The following ELAVL4 variants were observed in gnomAD, a reference collection of about 807,000 sequenced individuals.
ELAVL4 encodes the protein ELAV like RNA binding protein 4.
A neutral mutation model predicts 35.6 loss-of-function variants in ELAVL4; 1 was observed. The observed-to-expected ratio is 0.03, with a 90% CI of 0.01 to 0.13. ELAVL4 has a LOEUF of 0.13. ELAVL4 is among the 10% of genes least tolerant of loss of function. The probability of loss-of-function intolerance (pLI) is 1.00; values close to 1 mark genes in which losing one functional copy is unlikely to be tolerated. For synonymous variants in ELAVL4, 156 were observed against 171.0 expected (o/e 0.91, Z 0.69); for missense variants, 267 against 464.9 (o/e 0.57, Z 3.91).
chr1:50,068,937 G>A (rs1664389357), intron 1 of ELAVL4, among the ~76,000 whole-genome samples: 1 of 152,142 alleles, frequency 6.6e-6, no homozygotes. Flanking sequence ...TTTAAACAGG[G>A]TATGGTAACT....
intron 2 of ELAVL4, among the ~76,000 whole-genome samples, chr1:50,150,293 G>T (rs74510960): frequency 6.6e-6 from 1 of 152,008 alleles, no homozygotes; most frequent in African/African-American, 2.4e-5. Flanking sequence ...TTTATAATAC[G>T]TCTCTTTGGT....
At chr1:50,068,668 C>T (rs544323804) in intron 1 of ELAVL4, among the ~76,000 whole-genome samples, 1 of 152,254 alleles carries the variant, frequency 6.6e-6, no homozygotes, top group African/African-American at 2.4e-5. Flanking sequence ...TGTGGATATT[C>T]TAGGATATAG....
intron 1 of ELAVL4, among the ~76,000 whole-genome samples, chr1:50,074,405 A>C (rs1572132564): frequency 6.6e-6 from 1 of 152,198 alleles, no homozygotes; most frequent in African/African-American, 2.4e-5. Flanking sequence ...AATGACAATA[A>C]TTGCTACCAT....
intron 1 of ELAVL4, chr1:50,109,886 C>CT: frequency 6.2e-7 from 1 of 1,608,728 alleles, no homozygotes; most frequent in Non-Finnish European, 8.5e-7. Flanking sequence ...TTTTACATAA[C>CT]GTTCCTTTCC....
At chr1:50,139,897 G>A (rs1672532534) in intron 1 of ELAVL4, among the ~76,000 whole-genome samples, 1 of 152,166 alleles carries the variant, frequency 6.6e-6, no homozygotes. Flanking sequence ...CATTGAGTGT[G>A]AGTAATTAGT....
chr1:50,108,143 T>C (rs898803225), upstream of ELAVL4, among the ~76,000 whole-genome samples: 7 of 152,208 alleles, frequency 4.6e-5, no homozygotes, highest in Non-Finnish European at 1.0e-4. Flanking sequence ...TAAATTCATT[T>C]AAGTAAATCA....
At chr1:50,055,274 G>GTT (rs376454885) in intron 1 of ELAVL4, among the ~76,000 whole-genome samples, 3 of 145,628 alleles carry the variant, frequency 2.1e-5, no homozygotes, top group African/African-American at 7.5e-5. Context: ...AATTTGTTTT[G>GTT]TTTTTTTTTT....
At chr1:50,051,667 G>T (rs1016870708) in intron 1 of ELAVL4, among the ~76,000 whole-genome samples, 2 of 152,102 alleles carry the variant, frequency 1.3e-5, no homozygotes, top group South Asian at 2.1e-4. Flanking sequence ...ATTCACTCAT[G>T]GTACTGCATA....
intron 1 of ELAVL4, among the ~76,000 whole-genome samples, chr1:50,068,342 G>T (rs867520756): frequency 6.6e-6 from 1 of 152,142 alleles, no homozygotes; most frequent in African/African-American, 2.4e-5. Context: ...ACAAAGCTCA[G>T]AAATGTAGTG....
chr1:50,060,105 CAAT>C (rs1390042761), intron 1 of ELAVL4, among the ~76,000 whole-genome samples: 1 of 152,144 alleles, frequency 6.6e-6, no homozygotes, highest in Non-Finnish European at 1.5e-5. Flanking sequence ...AATTTTATCT[CAAT>C]AAAGTATTTT....
In ELAVL4 at chr1:50,177,132, G is replaced by C; in HGVS notation, c.294G>C (p.Lys98Asn). ...GYGFVNYIDP[K>N]DAEKAINTLN... ...GATTTGTTAACTATATTGATCCAAA[G>C]GATGCAGAGAAAGCCATCAACACTT... is the stretch of plus-strand genomic sequence containing the variant. The change falls in exon 3 of 7, where the codon AAG (lysine) becomes AAC (asparagine). Residue 98 changes from lysine to asparagine, a missense_variant. Coordinates refer to ENST00000371824, the MANE Select transcript of ELAVL4 (RefSeq NM_001144774.3). 6.2e-7 allele frequency: 1 copy of C among 1,613,974 alleles called. No individual in the cohort carries two copies. The highest frequency in any genetic ancestry group is 1.3e-5 in the African/African-American group (1 of 75,000).
chr1:50,196,831 A>G (rs746009812), intron 5 of ELAVL4, among the ~76,000 whole-genome samples: 1 of 152,200 alleles, frequency 6.6e-6, no homozygotes. Flanking sequence ...CTTGTCCCCA[A>G]GTAAGGTAGT....
In ELAVL4 at chr1:50,201,390, GAA is replaced by G. The variant is rs370348543; in HGVS notation, c.*223_*224del. On this transcript the variant is annotated 3_prime_UTR_variant, in exon 7 of 7. Coordinates refer to ENST00000371824, the MANE Select transcript of ELAVL4 (RefSeq NM_001144774.3). This position sits in a 1 kb window ranked among gnomAD's most constrained non-coding sequence, Gnocchi z 4.3. ...GGATTTTATAATGCTTAGAAAAAAA[GAA>G]AAAAAAAAAACAAAAAATACCTTTG... 1.2e-4 allele frequency: 29 copies of G among 240,010 alleles called. No homozygotes were observed. The highest frequency in any genetic ancestry group is 1.5e-4 in the South Asian group (1 of 6,852). 14.9% of individuals were successfully genotyped at this position (240,010 alleles called of 1,614,324 possible).
At chr1:50,114,361 G>A (rs907640514) in intron 1 of ELAVL4, among the ~76,000 whole-genome samples, 9 of 151,934 alleles carry the variant, frequency 5.9e-5, no homozygotes, top group Admixed American at 5.2e-4. Context: ...GTAAGTTGGT[G>A]TGCAAGTGTG....
chr1:50,181,619 T>C (rs1461853123), intron 3 of ELAVL4, among the ~76,000 whole-genome samples: 1 of 152,196 alleles, frequency 6.6e-6, no homozygotes. Context: ...TTGCCTCATG[T>C]AGGAGTTTGG....
At chr1:50,161,591 G>T (rs1027037567) in intron 2 of ELAVL4, among the ~76,000 whole-genome samples, 2 of 151,984 alleles carry the variant, frequency 1.3e-5, no homozygotes, top group Non-Finnish European at 2.9e-5. Flanking sequence ...TCAGTTTTTC[G>T]TTTATTGAGG....
At chr1:50,175,369 C>T (rs1255952640) in intron 2 of ELAVL4, 1 of 146,340 alleles carries the variant, frequency 6.8e-6, no homozygotes, top group African/African-American at 2.5e-5. Flanking sequence ...ATTCACCTCC[C>T]CCTGCCCCCA....
intron 2 of ELAVL4, chr1:50,174,449 C>A (rs77092210): frequency 6.6e-6 from 1 of 150,994 alleles, no homozygotes; most frequent in Non-Finnish European, 1.5e-5. Flanking sequence ...ATCATTTTTC[C>A]TCTTCCTTTC....
chr1:50,124,831 A>G (rs1409919751), intron 1 of ELAVL4, among the ~76,000 whole-genome samples: 3 of 152,072 alleles, frequency 2.0e-5, no homozygotes, highest in Non-Finnish European at 4.4e-5. Context: ...TCTGTAAACT[A>G]GGGTTGTTGT....
Sources: allele counts gnomAD v4.1 joint callset (sites outside exome capture counted in the v4.1 genomes callset), GRCh38; gene constraint gnomAD v4.1.1; non-coding constraint Gnocchi (gnomAD v3.1); transcripts MANE v1.5; gene names NCBI Gene and HGNC (gene_info 2026-07-23, HGNC 2026-07-21).